The following RASGEF1A variants were observed in gnomAD, a reference collection of about 807,000 sequenced individuals.
RASGEF1A encodes the protein ras-GEF domain-containing family member 1A.
A neutral mutation model predicts 56.4 loss-of-function variants in RASGEF1A; 18 were observed. That is an observed-to-expected ratio of 0.32 (90% CI 0.22 to 0.47). The LOEUF (loss-of-function observed/expected upper bound fraction) is 0.47, where lower values mean the gene tolerates loss of function less well. Ranked by LOEUF, RASGEF1A falls within the 20% of genes least tolerant of loss-of-function variation. RASGEF1A has a pLI of 1.00. For missense variants in RASGEF1A, 422 were observed against 627.1 expected (o/e 0.67, Z 3.49); for synonymous variants, 245 against 242.6 (o/e 1.01, Z -0.09).
intron 1 of RASGEF1A, among the ~76,000 whole-genome samples, chr10:43,238,652 G>A (rs368180239): frequency 5.9e-5 from 9 of 152,316 alleles, no homozygotes; most frequent in African/African-American, 1.9e-4. Flanking sequence ...GGGAGAGGCT[G>A]TCTGTGATGG....
chr10:43,265,951 G>A (rs1836615082), intron 1 of RASGEF1A, among the ~76,000 whole-genome samples: 1 of 152,258 alleles, frequency 6.6e-6, no homozygotes, highest in Admixed American at 6.5e-5. Flanking sequence ...GACAGTGGGA[G>A]AAGAGTGGCA....
intron 1 of RASGEF1A, among the ~76,000 whole-genome samples, chr10:43,232,246 A>G (rs1347991813): frequency 6.6e-6 from 1 of 152,178 alleles, no homozygotes; most frequent in African/African-American, 2.4e-5. Context: ...CCTCGGTGCT[A>G]TTCTCCTGTT....
At chr10:43,262,153 T>C (rs1836540475) in intron 1 of RASGEF1A, among the ~76,000 whole-genome samples, 1 of 152,002 alleles carries the variant, frequency 6.6e-6, no homozygotes. Flanking sequence ...GTCCACCAGA[T>C]TTGGGCAGCC....
chr10:43,200,793 C>T lies in RASGEF1A; in HGVS notation c.555G>A (p.Lys185=). 6.2e-7 allele frequency: 1 copy of T among 1,613,938 alleles called. No individual in the cohort carries two copies. Among genetic ancestry groups the T allele is most frequent in the Non-Finnish European group, 8.5e-7 (1 of 1,180,032 alleles). The change falls in exon 5 of 13, where the codon AAG becomes AAA. Residue 185 remains lysine, a synonymous_variant. Coordinates refer to ENST00000395810, the MANE Select transcript of RASGEF1A (RefSeq NM_145313.4). Reference sequence around the variant, plus strand: ...CCTTGTCTACAGCCGGTGGCCGGAGCTTCTCTCGCAGTTCCTGGAGCTGGC... The same window carrying T: ...CCTTGTCTACAGCCGGTGGCCGGAGTTTCTCTCGCAGTTCCTGGAGCTGGC... The part of the protein sequence containing the change: ...ARSQLQELRE[K]LRPPAVDKGP...
At chr10:43,236,131 G>C (rs570030024) in intron 1 of RASGEF1A, among the ~76,000 whole-genome samples, 9 of 152,296 alleles carry the variant, frequency 5.9e-5, no homozygotes, top group Non-Finnish European at 1.0e-4. Flanking sequence ...GTCATCACTT[G>C]GCACCTGTGA....
intron 1 of RASGEF1A, among the ~76,000 whole-genome samples, chr10:43,213,800 T>A (rs1840098942): frequency 6.7e-6 from 1 of 150,210 alleles, no homozygotes; most frequent in Non-Finnish European, 1.5e-5. Flanking sequence ...CTAATGTTTG[T>A]ATTTTTTAGT....
At position 43,201,904 on chromosome 10, in the gene RASGEF1A, C is replaced by G; in HGVS notation, c.363G>C (p.Leu121=). Residue 121 remains leucine (L), a synonymous_variant, in exon 4 of 13, where the codon CTG becomes CTC. Transcript: ENST00000395810. The part of the protein sequence containing the change: ...KSFSAKIVQL[L]KEWTEAFPYD... ...AGGGGAAGGCCTCGGTCCACTCCTT[C>G]AGGAGCTGCACGATCTTGGCTGAGA... The G allele has an allele frequency of 1.2e-6, 2 of 1,611,850 alleles. No individual in the cohort carries two copies. The highest frequency in any genetic ancestry group is 1.7e-6 in the Non-Finnish European group (2 of 1,178,782).
chr10:43,217,402 G>A (rs1840151426), intron 1 of RASGEF1A, among the ~76,000 whole-genome samples: 1 of 152,232 alleles, frequency 6.6e-6, no homozygotes, highest in African/African-American at 2.4e-5. Flanking sequence ...AGCTGGTGCT[G>A]CAGTCCCAGG....
At chr10:43,203,763 G>C (rs1839951045) in intron 2 of RASGEF1A, 1 of 1,054,122 alleles carries the variant, frequency 9.5e-7, no homozygotes, top group African/African-American at 1.7e-5. Flanking sequence ...TGCTCGCTGC[G>C]CCAGGATGCA....
chr10:43,246,935 T>A (rs1282144563), intron 1 of RASGEF1A, among the ~76,000 whole-genome samples: 3 of 152,214 alleles, frequency 2.0e-5, no homozygotes, highest in Non-Finnish European at 2.9e-5. Context: ...TGATCCAATT[T>A]GAAAAACTTG....
chr10:43,198,654 GT>G (rs1302416364), intron 9 of RASGEF1A, among the ~76,000 whole-genome samples: 1 of 152,268 alleles, frequency 6.6e-6, no homozygotes, highest in Non-Finnish European at 1.5e-5. Context: ...GGAAAAGGCA[GT>G]GTCTTCCAAC....
chr10:43,266,435 C>G (rs552724135), intron 1 of RASGEF1A, among the ~76,000 whole-genome samples: 1 of 152,164 alleles, frequency 6.6e-6, no homozygotes, highest in African/African-American at 2.4e-5. Flanking sequence ...CTTCCAACTG[C>G]GCAGCCCTGA....
At chr10:43,223,238 A>G (rs779652582) in intron 1 of RASGEF1A, among the ~76,000 whole-genome samples, 42 of 152,212 alleles carry the variant, frequency 2.8e-4, no homozygotes, top group Admixed American at 7.9e-4. Flanking sequence ...TCTCTGCCAC[A>G]TGGTCGTATG....
At chr10:43,197,193 T>C in intron 10 of RASGEF1A, 94 bp from the exon 11 acceptor site, 1 of 1,429,874 alleles carries the variant, frequency 7.0e-7, no homozygotes, top group South Asian at 1.3e-5. Context: ...CTCAGCCTCC[T>C]GCTCACTTCA....
chr10:43,220,678 C>T (rs1840195625), intron 1 of RASGEF1A, among the ~76,000 whole-genome samples: 1 of 151,938 alleles, frequency 6.6e-6, no homozygotes, highest in Non-Finnish European at 1.5e-5. Context: ...TCAGCTACTC[C>T]AGAGGCTGAG....
intron 1 of RASGEF1A, among the ~76,000 whole-genome samples, chr10:43,223,497 A>G (rs1401548874): frequency 6.6e-6 from 1 of 152,230 alleles, no homozygotes; most frequent in Non-Finnish European, 1.5e-5. Context: ...CTCACAGAAA[A>G]GTTCATAGAC....
chr10:43,253,532 G>T (rs1247759268), intron 1 of RASGEF1A, among the ~76,000 whole-genome samples: 1 of 152,260 alleles, frequency 6.6e-6, no homozygotes, highest in Non-Finnish European at 1.5e-5. Context: ...TTTCCCCGCT[G>T]CAGTCAGAGA....
chr10:43,207,164 A>G, intron 1 of RASGEF1A: 1 of 985,484 alleles, frequency 1.0e-6, no homozygotes, highest in Non-Finnish European at 1.2e-6. Context: ...TTGCCTGCAC[A>G]CAGAGCCAGC....
rs979963485 is a variant in RASGEF1A at position 43,195,198 on chromosome 10, G to A, written c.*1046C>T. The A allele has an allele frequency of 6.6e-5, 10 of 152,300 alleles. No homozygotes were observed. Among genetic ancestry groups the A allele is most frequent in the South Asian group, 2.1e-4 (1 of 4,836 alleles). The allele number at this position is 152,300 out of a possible 1,614,324, so 9.4% of individuals were successfully genotyped here. A position where few individuals can be genotyped will look rare whatever the true frequency, so the allele number is the denominator to read the frequency against. ...CAGTAGGGCCCAGGGCTCACACCAC[G>A]AAGTCAGACATGGGAAAATGGAGTG... On this transcript the variant is annotated 3_prime_UTR_variant, in exon 13 of 13. Coordinates refer to ENST00000395810, the MANE Select transcript of RASGEF1A (RefSeq NM_145313.4). The surrounding 1 kb of genome is among the most constrained non-coding windows in gnomAD (Gnocchi z 4.2).
Sources: allele counts gnomAD v4.1 joint callset (sites outside exome capture counted in the v4.1 genomes callset), GRCh38; gene constraint gnomAD v4.1.1; non-coding constraint Gnocchi (gnomAD v3.1); transcripts MANE v1.5; gene names NCBI Gene and HGNC (gene_info 2026-07-23, HGNC 2026-07-21).